The following GNG4 variants were observed in gnomAD, a reference collection of about 807,000 sequenced individuals.
GNG4 encodes guanine nucleotide-binding protein G(I)/G(S)/G(O) subunit gamma-4.
A neutral mutation model predicts 5.8 loss-of-function variants in GNG4; 4 were observed. The ratio of observed to expected loss-of-function variants is 0.69; its 90% confidence interval spans 0.34 to 1.57. The LOEUF is 1.57. Ranked by LOEUF, GNG4 falls within the 40% of genes most tolerant of loss-of-function variation. The pLI is 0.06. For missense variants in GNG4, 96 were observed against 95.1 expected (o/e 1.01, Z -0.04); for synonymous variants, 29 against 32.9 (o/e 0.88, Z 0.41).
At chr1:235,584,295 A>G (rs993100261) in intron 2 of GNG4, among the ~76,000 whole-genome samples, 1 of 152,244 alleles carries the variant, frequency 6.6e-6, no homozygotes, top group Non-Finnish European at 1.5e-5. Context: ...TGCAAAAATC[A>G]GAGAAATTAA....
intron 1 of GNG4, among the ~76,000 whole-genome samples, chr1:235,618,987 T>C (rs1284066509): frequency 6.6e-6 from 1 of 150,540 alleles, no homozygotes; most frequent in Non-Finnish European, 1.5e-5. Flanking sequence ...GACAGAAAAC[T>C]GTCCACTCTT....
chr1:235,609,265 C>T (rs186700705), intron 1 of GNG4, among the ~76,000 whole-genome samples: 131 of 152,282 alleles, frequency 8.6e-4, no homozygotes, highest in African/African-American at 3.1e-3. Flanking sequence ...GGCCCATCTG[C>T]TGATAGACAT....
chr1:235,554,018 A>G (rs1686827586), intron 3 of GNG4, among the ~76,000 whole-genome samples: 1 of 152,180 alleles, frequency 6.6e-6, no homozygotes, highest in Non-Finnish European at 1.5e-5. Flanking sequence ...ACGCCCATAT[A>G]GGAATTTCCC....
chr1:235,608,941 C>T (rs577450535), intron 1 of GNG4, among the ~76,000 whole-genome samples: 5 of 152,216 alleles, frequency 3.3e-5, no homozygotes, highest in Non-Finnish European at 7.4e-5. Flanking sequence ...GCCTCGGCCT[C>T]CTAAAGTGCT....
At chr1:235,625,942 A>T (rs1205164273) in intron 1 of GNG4, among the ~76,000 whole-genome samples, 1 of 152,188 alleles carries the variant, frequency 6.6e-6, no homozygotes. Context: ...AACCCAGGAA[A>T]ATTCCAAGGA....
intron 3 of GNG4, among the ~76,000 whole-genome samples, chr1:235,577,360 C>A (rs181689129): frequency 1.3e-5 from 2 of 152,196 alleles, no homozygotes; most frequent in Non-Finnish European, 2.9e-5. Flanking sequence ...GTCGTGTGCA[C>A]ATTCACCTGC....
At chr1:235,566,701 G>C (rs1023158132) in intron 3 of GNG4, 1 of 152,536 alleles carries the variant, frequency 6.6e-6, no homozygotes, top group Non-Finnish European at 1.5e-5. Flanking sequence ...GCTATCTAAT[G>C]AGAACGGGGA....
intron 1 of GNG4, among the ~76,000 whole-genome samples, chr1:235,643,975 G>T (rs1452542732): frequency 6.6e-6 from 1 of 152,180 alleles, no homozygotes; most frequent in Non-Finnish European, 1.5e-5. Context: ...AGCAGGGGCT[G>T]AGGGCACACT....
chr1:235,586,279 G>A (rs1687757796), intron 2 of GNG4, among the ~76,000 whole-genome samples: 1 of 152,096 alleles, frequency 6.6e-6, no homozygotes. Context: ...AACTGTGCAC[G>A]CGTTCCTGCA....
In GNG4 at chr1:235,621,440, C is replaced by T. The variant is rs146715847; in HGVS notation, c.-122-25929G>A. Among the ~76,000 whole-genome samples the T allele has an allele frequency of 3.4e-4, 51 of 150,536 alleles. No individual in the cohort carries two copies. In the East Asian group the frequency reaches 6.2e-3, roughly 18 times the overall value. ...CTGAGTAGCTGGGACTACAGGTGTG[C>T]GCCACCATGCCTGGCTAATTATTTT... On this transcript the variant is annotated intron_variant, in intron 1 of 3. Transcript: ENST00000391854.
chr1:235,640,119 C>A (rs927268101), intron 1 of GNG4, among the ~76,000 whole-genome samples: 1 of 152,060 alleles, frequency 6.6e-6, no homozygotes, highest in Non-Finnish European at 1.5e-5. Flanking sequence ...TCACCCCAGG[C>A]AGAAGAGGAC....
Position 235,642,745 on chromosome 1 carries a change from G to T in GNG4, c.-123+6917C>A, listed in dbSNP as rs6667053. 0.43 allele frequency among the ~76,000 whole-genome samples: 65,387 copies of T among 151,882 alleles called. 14,997 individuals carry two copies. Among genetic ancestry groups the T allele is most frequent in the African/African-American group, 0.56 (23,079 of 41,398 alleles). Reference sequence around the variant, plus strand: ...ACTTGCCGTGTGTTCTTGGAGGCGCGGGCCTCCCTGCTGTCATCACACCTC... The same window carrying T: ...ACTTGCCGTGTGTTCTTGGAGGCGCTGGCCTCCCTGCTGTCATCACACCTC... On this transcript the variant is annotated intron_variant, in intron 1 of 3. Coordinates refer to ENST00000391854, the MANE Select transcript of GNG4 (RefSeq NM_001098722.2). This position sits in a 1 kb window ranked among gnomAD's most constrained non-coding sequence, Gnocchi z 4.3.
intron 1 of GNG4, among the ~76,000 whole-genome samples, chr1:235,629,747 A>G (rs746546353): frequency 6.6e-6 from 1 of 151,854 alleles, no homozygotes; most frequent in Non-Finnish European, 1.5e-5. Context: ...GCATGCCACC[A>G]TGCCCAGCTA....
At chr1:235,560,013 G>GTGTT (rs1357616857) in intron 3 of GNG4, among the ~76,000 whole-genome samples, 1 of 152,206 alleles carries the variant, frequency 6.6e-6, no homozygotes, top group Non-Finnish European at 1.5e-5. Flanking sequence ...CAACAGGTCA[G>GTGTT]TGTTTGTCCC....
chr1:235,568,896 G>A (rs890330701), intron 3 of GNG4, among the ~76,000 whole-genome samples: 10 of 150,334 alleles, frequency 6.7e-5, no homozygotes, highest in Admixed American at 2.0e-4. Context: ...GTGTGATCCC[G>A]GCTCACTGAA....
At chr1:235,573,956 T>C (rs1687416382) in intron 3 of GNG4, among the ~76,000 whole-genome samples, 1 of 152,148 alleles carries the variant, frequency 6.6e-6, no homozygotes, top group Admixed American at 6.6e-5. Context: ...TATCAGGTTA[T>C]AAAAAAGCAA....
At chr1:235,629,657 C>T (rs571959449) in intron 1 of GNG4, among the ~76,000 whole-genome samples, 3 of 151,386 alleles carry the variant, frequency 2.0e-5, no homozygotes, top group South Asian at 2.1e-4. Context: ...AGTGCAGTGG[C>T]ATGATCTCGG....
At chr1:235,599,153 C>A (rs1484930212) in intron 1 of GNG4, among the ~76,000 whole-genome samples, 1 of 152,180 alleles carries the variant, frequency 6.6e-6, no homozygotes, top group Non-Finnish European at 1.5e-5. Flanking sequence ...CTCAACAGGA[C>A]TGGCTGGGAC....
chr1:235,628,993 A>ATTTTTT (rs1054950474), intron 1 of GNG4, among the ~76,000 whole-genome samples: 9 of 118,358 alleles, frequency 7.6e-5, no homozygotes, highest in African/African-American at 2.7e-4. Flanking sequence ...ATTTGCTTGA[A>ATTTTTT]TTTTTTTTTT....
Sources: allele counts gnomAD v4.1 joint callset (sites outside exome capture counted in the v4.1 genomes callset), GRCh38; gene constraint gnomAD v4.1.1; non-coding constraint Gnocchi (gnomAD v3.1); transcripts MANE v1.5; gene names NCBI Gene and HGNC (gene_info 2026-07-23, HGNC 2026-07-21).